The following ZNF292 variants were observed in gnomAD, a reference collection of about 807,000 sequenced individuals.
ZNF292 encodes the protein zinc finger protein 292, also known as 16 zinc-finger domain protein.
In ZNF292, 26 loss-of-function variants were observed where a neutral mutation model predicts 217.9. The observed-to-expected ratio is 0.12, with a 90% confidence interval of 0.09 to 0.17. The LOEUF is 0.17. Ranked by LOEUF, ZNF292 falls within the 10% of genes least tolerant of loss-of-function variation. The pLI is 1.00. For synonymous variants in ZNF292, 1,257 were observed against 1,124.1 expected, an observed-to-expected ratio of 1.12 and a Z score of -2.37; for missense variants, 2,904 against 3,175.2, an observed-to-expected ratio of 0.91 and a Z score of 2.05.
Position 87,220,592 on chromosome 6 carries a change from T to C in ZNF292, c.538+1861T>C, listed in dbSNP as rs138162871. 3.6e-3 allele frequency among the ~76,000 whole-genome samples: 550 copies of C among 152,326 alleles called. 2 individuals are homozygous for C. The highest frequency in any genetic ancestry group is 0.013 in the African/African-American group (529 of 41,562). On this transcript the variant is annotated intron_variant, in intron 4 of 7. Coordinates refer to ENST00000369577, the MANE Select transcript of ZNF292 (RefSeq NM_015021.3). ...GAGTAACTCCTTTTCCCATTGTCAG[T>C]TTCTGAACAGCATTTTGCCAAATTC...
Position 87,259,214 on chromosome 6 carries a change from T to C in ZNF292, c.5585T>C (p.Leu1862Pro), listed in dbSNP as rs745511777. The C allele has an allele frequency of 1.2e-6, 2 of 1,613,644 alleles. No individual in the cohort carries two copies. Among genetic ancestry groups the C allele is most frequent in the African/African-American group, 2.7e-5 (2 of 74,922 alleles). ...DLSTPASQCV[L>P]INTSVTLTPT... Reference sequence around the variant, plus strand: ...TCCACTCCAGCATCCCAATGTGTACTGATAAATACATCAGTGACACTGACT... The same window carrying C: ...TCCACTCCAGCATCCCAATGTGTACCGATAAATACATCAGTGACACTGACT... The change falls in exon 8 of 8, where the codon CTG (leucine) becomes CCG (proline). Residue 1862 changes from leucine (L) to proline (P), a missense_variant. Physicochemically the swap from Leu to Pro is moderately conservative, Grantham distance 98 (BLOSUM62 -3). Coordinates refer to ENST00000369577, the MANE Select transcript of ZNF292 (RefSeq NM_015021.3).
intron 1 of ZNF292, among the ~76,000 whole-genome samples, chr6:87,203,409 C>T (rs2127790858): frequency 6.6e-6 from 1 of 152,148 alleles, no homozygotes; most frequent in East Asian, 1.9e-4. Context: ...TACCAAAGTG[C>T]TGGGATTACA....
chr6:87,184,112 C>T (rs945724017), intron 1 of ZNF292, among the ~76,000 whole-genome samples: 2 of 152,158 alleles, frequency 1.3e-5, no homozygotes, highest in Non-Finnish European at 2.9e-5. Flanking sequence ...ATGCATATAA[C>T]GAATTAGAAC....
intron 1 of ZNF292, among the ~76,000 whole-genome samples, chr6:87,206,010 G>C (rs1484859884): frequency 6.6e-6 from 1 of 152,158 alleles, no homozygotes; most frequent in Non-Finnish European, 1.5e-5. Context: ...TGGACTGATA[G>C]ATATGTTTCA....
chr6:87,209,062 A>G (rs796538614), intron 1 of ZNF292, among the ~76,000 whole-genome samples: 2 of 151,580 alleles, frequency 1.3e-5, no homozygotes, highest in South Asian at 4.2e-4. Context: ...AACTCCTAAA[A>G]TAGACTTTTC....
rs752931546 is a variant in ZNF292, at chr6:87,257,270, A to G, written c.3641A>G (p.Asn1214Ser). The G allele has an allele frequency of 6.2e-7, 1 of 1,613,720 alleles. No individual in the cohort carries two copies. Among genetic ancestry groups the G allele is most frequent in the Non-Finnish European group, 8.5e-7 (1 of 1,179,808 alleles). ...TCAATGGAAAGTGTCATAAATCCAA[A>G]TATAACTTCTCAGGATAAAAATGAA... The part of the protein sequence containing the change: ...LSSMESVINP[N>S]ITSQDKNEQG... Residue 1214 changes from asparagine to serine, a missense_variant, in exon 8 of 8, where the codon AAT becomes AGT. By Grantham distance (46) the Asn-to-Ser change is conservative. Coordinates refer to ENST00000369577, the MANE Select transcript of ZNF292 (RefSeq NM_015021.3).
rs1775689564 is a variant in ZNF292, at chr6:87,263,162, A to G, written c.*1361A>G. On this transcript the variant is annotated 3_prime_UTR_variant, in exon 8 of 8. Transcript: ENST00000369577. ...TTTATTCACCATATTTATACTGTGG[A>G]TTCACAGCGAGAGGTAGAGGTTATT... 1 of 152,034 alleles carries G rather than the reference A, an allele frequency of 6.6e-6. No homozygotes were observed. The highest frequency in any genetic ancestry group is 1.5e-5 in the Non-Finnish European group (1 of 67,924). The allele number at this position is 152,034 out of a possible 1,614,324, so 9.4% of individuals were successfully genotyped here.
Position 87,256,144 on chromosome 6 carries a change from C to T in ZNF292, c.2515C>T (p.Leu839=). 2 of 1,613,736 alleles carry T rather than the reference C, an allele frequency of 1.2e-6. No homozygotes were observed. Among genetic ancestry groups the T allele is most frequent in the South Asian group, 2.2e-5 (2 of 91,052 alleles). ...TCACAGTACTCCTCCTGAAAAAGTG[C>T]TGCCTCCTGAAGCCCAACTTAATTC... ...DDHSTPPEKV[L]PPEAQLNSSG... The change falls in exon 8 of 8, where the codon CTG becomes TTG. Residue 839 remains leucine (L), a synonymous_variant. Coordinates refer to ENST00000369577, the MANE Select transcript of ZNF292 (RefSeq NM_015021.3).
At chr6:87,166,588 A>T (rs1412216019) in intron 1 of ZNF292, among the ~76,000 whole-genome samples, 1 of 152,166 alleles carries the variant, frequency 6.6e-6, no homozygotes, top group Non-Finnish European at 1.5e-5. Flanking sequence ...CGTATTTTCC[A>T]AGTATACCCT....
rs1236012374 is a variant in ZNF292 at position 87,255,379 on chromosome 6, T to G, written c.1750T>G (p.Phe584Val). The G allele has an allele frequency of 5.0e-6, 8 of 1,613,702 alleles. No homozygotes were observed. Among genetic ancestry groups the G allele is most frequent in the Non-Finnish European group, 6.8e-6 (8 of 1,179,816 alleles). Residue 584 changes from phenylalanine (F) to valine (V), a missense_variant, in exon 8 of 8, where the codon TTT becomes GTT. Phe to Val is a conservative substitution (Grantham distance 50). Transcript: ENST00000369577. ...AAAGAACTTTAATTCTAAAGAAACT[T>G]TTGTCCCTCATGTCACACTGCATGT... ...CAKNFNSKET[F>V]VPHVTLHVKQ...
At chr6:87,208,606 T>C (rs78639127) in intron 1 of ZNF292, among the ~76,000 whole-genome samples, 13 of 142,556 alleles carry the variant, frequency 9.1e-5, no homozygotes, top group South Asian at 2.3e-4. Flanking sequence ...GCTTTTTTTT[T>C]CCCCCTTGTT....
intron 1 of ZNF292, among the ~76,000 whole-genome samples, chr6:87,186,076 G>A (rs1771641963): frequency 6.6e-6 from 1 of 152,142 alleles, no homozygotes; most frequent in Admixed American, 6.6e-5. Context: ...TCCAGAGGTT[G>A]GGGGGACAGG....
intron 1 of ZNF292, among the ~76,000 whole-genome samples, chr6:87,181,832 C>T (rs1259892269): frequency 6.6e-6 from 1 of 152,120 alleles, no homozygotes; most frequent in Non-Finnish European, 1.5e-5. Flanking sequence ...CAGGCACGCA[C>T]CACCACACCC....
At chr6:87,188,099 A>G (rs1771717923) in intron 1 of ZNF292, among the ~76,000 whole-genome samples, 1 of 152,232 alleles carries the variant, frequency 6.6e-6, no homozygotes, top group Admixed American at 6.5e-5. Context: ...TATGAGCCAA[A>G]TAAAACATGC....
intron 4 of ZNF292, among the ~76,000 whole-genome samples, chr6:87,226,260 A>T (rs928284926): frequency 2.6e-5 from 4 of 152,044 alleles, no homozygotes; most frequent in Non-Finnish European, 5.9e-5. Flanking sequence ...AAAGCTTTAG[A>T]TTTTCCATGA....
chr6:87,257,742 A>G lies in ZNF292; in HGVS notation c.4113A>G (p.Arg1371=). ...GGGCTAAATGGCCTGCAATTATCAG[A>G]GATGGGAAATTTATCTGTAGCAGGT... is the stretch of plus-strand genomic sequence containing the variant. The part of the protein sequence containing the change: ...NKRAKWPAII[R]DGKFICSRCY... Residue 1371 remains arginine (R), a synonymous_variant, in exon 8 of 8, where the codon AGA becomes AGG. Coordinates refer to ENST00000369577, the MANE Select transcript of ZNF292 (RefSeq NM_015021.3). 6.2e-7 allele frequency: 1 copy of G among 1,613,706 alleles called. No individual in the cohort carries two copies. Among genetic ancestry groups the G allele is most frequent in the Non-Finnish European group, 8.5e-7 (1 of 1,179,770 alleles).
At chr6:87,229,990 A>G (rs763004203) in intron 4 of ZNF292, among the ~76,000 whole-genome samples, 2 of 152,140 alleles carry the variant, frequency 1.3e-5, no homozygotes, top group Non-Finnish European at 2.9e-5. Context: ...GGGGAGCAAT[A>G]TGGAAGTGGA....
intron 1 of ZNF292, among the ~76,000 whole-genome samples, chr6:87,194,711 G>C (rs1349189172): frequency 6.6e-6 from 1 of 152,006 alleles, no homozygotes; most frequent in South Asian, 2.1e-4. Flanking sequence ...ATTTTACAAA[G>C]TAATATCAAA....
chr6:87,242,050 C>T (rs1274625914), intron 5 of ZNF292, among the ~76,000 whole-genome samples: 2 of 152,118 alleles, frequency 1.3e-5, no homozygotes, highest in Non-Finnish European at 2.9e-5. Context: ...ATAATACCTA[C>T]CTAGTGGGAA....
Sources: allele counts gnomAD v4.1 joint callset (sites outside exome capture counted in the v4.1 genomes callset), GRCh38; gene constraint gnomAD v4.1.1; transcripts MANE v1.5; gene names NCBI Gene and HGNC (gene_info 2026-07-23, HGNC 2026-07-21).